The following ADAMTS20 variants were observed in gnomAD, a reference collection of about 807,000 sequenced individuals.
ADAMTS20 encodes the protein ADAM metallopeptidase with thrombospondin type 1 motif 20, also known as A disintegrin and metalloproteinase with thrombospondin motifs 20.
A neutral mutation model predicts 260.1 loss-of-function variants in ADAMTS20; 225 were observed. The ratio of observed to expected loss-of-function variants is 0.87; its 90% CI spans 0.78 to 0.97. The LOEUF is 0.97. Among genes scored for constraint, ADAMTS20 ranks in the 50% least tolerant of loss-of-function variants. ADAMTS20 has a pLI of 0.00. For synonymous variants in ADAMTS20, 802 were observed against 769.5 expected (o/e 1.04, Z -0.70); for missense variants, 2,400 against 2,337.7 (o/e 1.03, Z -0.55).
At chr12:43,396,051 G>C (rs540749495) in intron 29 of ADAMTS20, among the ~76,000 whole-genome samples, 1 of 152,096 alleles carries the variant, frequency 6.6e-6, no homozygotes, top group Admixed American at 6.6e-5. Context: ...TCCAGGAAGT[G>C]GGGGTGGGGT....
intron 4 of ADAMTS20, among the ~76,000 whole-genome samples, chr12:43,500,873 T>G (rs2137444492): frequency 6.6e-6 from 1 of 152,274 alleles, no homozygotes; most frequent in Non-Finnish European, 1.5e-5. Context: ...TTGTCTCTTA[T>G]GATCTTCATG....
chr12:43,355,597 T>TTATCATAA (rs1939726786), intron 38 of ADAMTS20, among the ~76,000 whole-genome samples: 3 of 152,166 alleles, frequency 2.0e-5, no homozygotes, highest in Admixed American at 2.0e-4. Context: ...AAATTTACTT[T>TTATCATAA]TATCATAATA....
At chr12:43,460,876 G>GA (rs916584323) in intron 11 of ADAMTS20, among the ~76,000 whole-genome samples, 3 of 135,696 alleles carry the variant, frequency 2.2e-5, no homozygotes, top group Non-Finnish European at 4.7e-5. Context: ...ACAAGAACAA[G>GA]AAAAAAACGA....
At chr12:43,526,015 C>T (rs1943136625) in intron 3 of ADAMTS20, among the ~76,000 whole-genome samples, 1 of 152,132 alleles carries the variant, frequency 6.6e-6, no homozygotes, top group Non-Finnish European at 1.5e-5. Flanking sequence ...AACGTACACT[C>T]TAGAACAAAG....
chr12:43,394,176 A>C (rs4768496), intron 29 of ADAMTS20, among the ~76,000 whole-genome samples: 101,135 of 151,836 alleles, frequency 0.67, 34,120 homozygotes, highest in East Asian at 1. Flanking sequence ...TTAAAATCAG[A>C]AACACTCTGA....
At position 43,405,853 on chromosome 12, in the gene ADAMTS20, A is replaced by G. The variant is rs544268467; in HGVS notation, c.4285-6620T>C. 7.4e-4 allele frequency among the ~76,000 whole-genome samples: 112 copies of G among 152,218 alleles called. 1 individual carries two copies. The highest frequency in any genetic ancestry group is 1.4e-3 in the Non-Finnish European group (93 of 68,030). ...TTCTCTTTGTCTGCTTTCTGACAGC[A>G]AGGTGCATAAGTCATCGTTGAAAAT... is the stretch of plus-strand genomic sequence containing the variant. On this transcript the variant is annotated intron_variant, in intron 28 of 38. Transcript: ENST00000389420.
In ADAMTS20 at chr12:43,425,583, A is replaced by G; in HGVS notation, c.4215T>C (p.Pro1405=). The G allele has an allele frequency of 6.2e-7, 1 of 1,610,526 alleles. No individual in the cohort carries two copies. The highest frequency in any genetic ancestry group is 8.5e-7 in the Non-Finnish European group (1 of 1,177,920). ...DHNCEIVNKP[P]SVIQCHMHAC... is the part of the protein sequence containing the mutation. ...CATGCATATGACACTGTATTACGCT[A>G]GGTGGCTTGTTTACAATTTCACAGT... Residue 1405 remains proline, a synonymous_variant, in exon 28 of 39, where the codon CCT becomes CCC. Transcript: ENST00000389420.
intron 7 of ADAMTS20, among the ~76,000 whole-genome samples, chr12:43,488,142 T>G (rs532632657): frequency 2.7e-4 from 41 of 152,108 alleles, no homozygotes; most frequent in Non-Finnish European, 4.7e-4. Context: ...GTGGTTCAAT[T>G]TGGGGAGTTG....
rs1266994000 is a variant in ADAMTS20, at chr12:43,446,676, T to G, written c.2116A>C (p.Lys706Gln). ...CCACACACTCCACATTTGTCTATCT[T>G]GGCACTGGAGTTTAACACGTGATCA... ...GCDHVLNSSA[K>Q]IDKCGVCGGD... Residue 706 changes from lysine (K) to glutamine (Q), a missense_variant, in exon 15 of 39, where the codon AAG (lysine) becomes CAG (glutamine). By Grantham distance (53) the Lys-to-Gln change is moderately conservative. Transcript: ENST00000389420. 6.2e-7 allele frequency: 1 copy of G among 1,613,432 alleles called. No homozygotes were observed. Among genetic ancestry groups the G allele is most frequent in the African/African-American group, 1.3e-5 (1 of 75,020 alleles).
At chr12:43,455,160 T>C (rs1230826566) in intron 11 of ADAMTS20, among the ~76,000 whole-genome samples, 1 of 152,236 alleles carries the variant, frequency 6.6e-6, no homozygotes, top group African/African-American at 2.4e-5. Context: ...CTAGTCTTCA[T>C]GTGACTGGCT....
chr12:43,435,990 A>G (rs10880491), intron 18 of ADAMTS20, among the ~76,000 whole-genome samples: 31,436 of 152,144 alleles, frequency 0.21, 3,733 homozygotes, highest in African/African-American at 0.31. Flanking sequence ...CCAGTTAACT[A>G]AACATGATTA....
chr12:43,448,792 GA>G (rs200765482), intron 14 of ADAMTS20, among the ~76,000 whole-genome samples: 17 of 148,176 alleles, frequency 1.1e-4, no homozygotes, highest in African/African-American at 4.0e-4. Context: ...AAATTTACAA[GA>G]AAAAAAAACA....
At chr12:43,502,663 T>A (rs537455149) in intron 3 of ADAMTS20, among the ~76,000 whole-genome samples, 1 of 152,246 alleles carries the variant, frequency 6.6e-6, no homozygotes, top group Non-Finnish European at 1.5e-5. Flanking sequence ...CTAAGTCATA[T>A]TTGAAAAGGA....
At chr12:43,406,139 G>A (rs140339874) in intron 28 of ADAMTS20, among the ~76,000 whole-genome samples, 1 of 152,212 alleles carries the variant, frequency 6.6e-6, no homozygotes, top group African/African-American at 2.4e-5. Flanking sequence ...ACATAAAATA[G>A]AGTGGTTTTT....
At chr12:43,519,970 C>T (rs1943049029) in intron 3 of ADAMTS20, among the ~76,000 whole-genome samples, 1 of 152,080 alleles carries the variant, frequency 6.6e-6, no homozygotes, top group South Asian at 2.1e-4. Context: ...TTATTAAATG[C>T]CATGGCAAAA....
At chr12:43,484,672 C>A (rs1007681608) in intron 7 of ADAMTS20, among the ~76,000 whole-genome samples, 1 of 151,966 alleles carries the variant, frequency 6.6e-6, no homozygotes, top group Non-Finnish European at 1.5e-5. Flanking sequence ...TGAACAAAGT[C>A]TCCAAGAAAT....
At chr12:43,370,579 A>AT (rs1940085532) in intron 36 of ADAMTS20, among the ~76,000 whole-genome samples, 1 of 152,216 alleles carries the variant, frequency 6.6e-6, no homozygotes, top group African/African-American at 2.4e-5. Flanking sequence ...ATGATGACTC[A>AT]TAAGTATATA....
intron 2 of ADAMTS20, among the ~76,000 whole-genome samples, chr12:43,534,510 T>C (rs893526401): frequency 1.3e-5 from 2 of 152,176 alleles, no homozygotes; most frequent in Non-Finnish European, 2.9e-5. Context: ...TGTGAAATAA[T>C]ATACTTACAA....
At chr12:43,377,289 TACAA>T (rs1423320117) in intron 32 of ADAMTS20, 72 bp downstream of exon 32, 42 of 1,354,250 alleles carry the variant, frequency 3.1e-5, no homozygotes, top group Admixed American at 4.7e-5. Flanking sequence ...TAGTTAGACA[TACAA>T]ACAGATTACC....
Sources: gnomAD v4.1 joint callset for allele counts (sites outside exome capture counted in the v4.1 genomes callset) on GRCh38, gnomAD v4.1.1 for gene constraint, MANE v1.5 for transcripts, NCBI Gene and HGNC (gene_info 2026-07-23, HGNC 2026-07-21) for gene names.